SPEN: variants seen among roughly 807,000 people sequenced by gnomAD.
SPEN encodes the protein spen family transcriptional repressor, also known as msx2-interacting protein.
In SPEN, 18 loss-of-function variants were observed where a neutral mutation model predicts 269.9. The observed-to-expected ratio is 0.07, with a 90% CI of 0.05 to 0.10. SPEN has a LOEUF of 0.10. Among genes scored for constraint, SPEN ranks in the 10% least tolerant of loss-of-function variants. SPEN has a pLI of 1.00. For missense variants in SPEN, 3,822 were observed against 4,631.2 expected, an observed-to-expected ratio of 0.83 and a Z score of 5.07; for synonymous variants, 1,726 against 1,765.7, an observed-to-expected ratio of 0.98 and a Z score of 0.56.
At position 15,932,975 on chromosome 1, in the gene SPEN, A is replaced by G. The variant is rs2071236961; in HGVS notation, c.6735A>G (p.Thr2245=). The G allele has an allele frequency of 6.2e-7, 1 of 1,614,208 alleles. No homozygotes were observed. The highest frequency in any genetic ancestry group is 8.5e-7 in the Non-Finnish European group (1 of 1,180,024). ...APPPYPGESQ[T]DLQPPAGAQA... is the part of the protein sequence containing the mutation. ...CACCTTATCCTGGAGAATCCCAGAC[A>G]GATCTGCAACCCCCCGCAGGTGCAC... Residue 2245 remains threonine, a synonymous_variant, in exon 11 of 15, where the codon ACA becomes ACG. Transcript: ENST00000375759. This position sits in a 1 kb window ranked among gnomAD's most constrained non-coding sequence, Gnocchi z 4.2.
intron 3 of SPEN, among the ~76,000 whole-genome samples, chr1:15,894,536 G>GTTTTTTTTTTTTTT (rs766111268): frequency 6.0e-5 from 6 of 100,382 alleles, no homozygotes; most frequent in African/African-American, 1.3e-4. Flanking sequence ...TATTATGGTT[G>GTTTTTTTTTTTTTT]TTTTTTTTTT....
At position 15,931,997 on chromosome 1, in the gene SPEN, T is replaced by C; in HGVS notation, c.5757T>C (p.Pro1919=). ...TGGGTGACCATGAAAACCGCTCTCC[T>C]GTCAAAGAGCCCGTTGAGCAACCAA... is the stretch of plus-strand genomic sequence containing the variant. The part of the protein sequence containing the change: ...ATMGDHENRS[P]VKEPVEQPRV... Residue 1919 remains proline, a synonymous_variant, in exon 11 of 15, where the codon CCT becomes CCC. Coordinates refer to ENST00000375759, the MANE Select transcript of SPEN (RefSeq NM_015001.3). This position sits in a 1 kb window ranked among gnomAD's most constrained non-coding sequence, Gnocchi z 4.8. The C allele has an allele frequency of 6.2e-7, 1 of 1,614,210 alleles. No individual in the cohort carries two copies. Among genetic ancestry groups the C allele is most frequent in the South Asian group, 1.1e-5 (1 of 91,090 alleles).
intron 3 of SPEN, among the ~76,000 whole-genome samples, chr1:15,880,832 AG>A (rs1403642126): frequency 3.3e-5 from 5 of 152,164 alleles, no homozygotes; most frequent in African/African-American, 1.2e-4. Flanking sequence ...CCTGATAGGT[AG>A]CATTTGGTTA....
chr1:15,901,666 A>C (rs1368907851), intron 3 of SPEN, among the ~76,000 whole-genome samples: 3 of 149,612 alleles, frequency 2.0e-5, no homozygotes, highest in Non-Finnish European at 4.5e-5. Flanking sequence ...AAAAAAAAAA[A>C]AAACACCAAC....
intron 2 of SPEN, chr1:15,874,248 G>A (rs1313928134): frequency 7.3e-7 from 1 of 1,365,332 alleles, no homozygotes; most frequent in Non-Finnish European, 9.8e-7. Context: ...TTTTTTTCTT[G>A]TGGTTCATCT....
chr1:15,862,833 C>T (rs368042868), intron 1 of SPEN, among the ~76,000 whole-genome samples: 1 of 151,808 alleles, frequency 6.6e-6, no homozygotes, highest in Non-Finnish European at 1.5e-5. Flanking sequence ...GCAATCTCAG[C>T]TTACTGTAAG....
chr1:15,863,510 C>A (rs747567382), intron 1 of SPEN, among the ~76,000 whole-genome samples: 1 of 152,066 alleles, frequency 6.6e-6, no homozygotes, highest in Non-Finnish European at 1.5e-5. Flanking sequence ...TTTCTTAAAG[C>A]CTTTCTACTT....
chr1:15,854,517 C>T (rs989112619), intron 1 of SPEN, among the ~76,000 whole-genome samples: 3 of 151,854 alleles, frequency 2.0e-5, no homozygotes, highest in African/African-American at 7.3e-5. Flanking sequence ...GACGGAGTTT[C>T]GCTCCTGTTG....
At chr1:15,856,346 A>G (rs2148702982) in intron 1 of SPEN, among the ~76,000 whole-genome samples, 1 of 152,088 alleles carries the variant, frequency 6.6e-6, no homozygotes, top group Non-Finnish European at 1.5e-5. Context: ...GGAAGTACTA[A>G]ACTTGGGTGG....
At chr1:15,894,548 T>G (rs2070821540) in intron 3 of SPEN, among the ~76,000 whole-genome samples, 1 of 146,716 alleles carries the variant, frequency 6.8e-6, no homozygotes, top group Non-Finnish European at 1.5e-5. Context: ...TTTTTTTTTT[T>G]TTTTTTTTTT....
chr1:15,905,036 A>ACAC (rs1557750434), intron 3 of SPEN, among the ~76,000 whole-genome samples: 2 of 147,418 alleles, frequency 1.4e-5, no homozygotes, highest in Non-Finnish European at 3.0e-5. Flanking sequence ...TTACACACAC[A>ACAC]CACCACCACA....
chr1:15,933,041 G>A lies in SPEN; in HGVS notation c.6801G>A (p.Glu2267=), dbSNP rs1557761041. Residue 2267 remains glutamate (E), a synonymous_variant, in exon 11 of 15, where the codon GAG becomes GAA. Coordinates refer to ENST00000375759, the MANE Select transcript of SPEN (RefSeq NM_015001.3). This position sits in a 1 kb window ranked among gnomAD's most constrained non-coding sequence, Gnocchi z 5.7. ...CTGAGGAAGGAATGGAGACAGATGA[G>A]GCTGTATCTGGCATCCTGGAAACTG... ...QPSEEGMETD[E]AVSGILETEA... The A allele has an allele frequency of 1.9e-6, 3 of 1,614,092 alleles. No homozygotes were observed. In the South Asian group the frequency reaches 3.3e-5, roughly 18 times the overall value.
intron 3 of SPEN, among the ~76,000 whole-genome samples, chr1:15,889,293 G>A (rs1001062689): frequency 2.0e-5 from 3 of 151,638 alleles, no homozygotes; most frequent in African/African-American, 4.9e-5. Flanking sequence ...AGCCTCCTGA[G>A]TAGCTGGGAT....
rs199771973 is a variant in SPEN at position 15,932,453 on chromosome 1, A to G, written c.6213A>G (p.Lys2071=). Reference sequence around the variant, plus strand: ...TAGAGAAAAAACCGGCCCCTGAAAAAAACTCCAAATCAAAGAGAGGAAGAT... The same window carrying G: ...TAGAGAAAAAACCGGCCCCTGAAAAGAACTCCAAATCAAAGAGAGGAAGAT... The part of the protein sequence containing the change: ...EVVEKKPAPE[K]NSKSKRGRSR... The change falls in exon 11 of 15, where the codon AAA becomes AAG. Residue 2071 remains lysine (K), a synonymous_variant. Transcript: ENST00000375759. The surrounding 1 kb of genome is among the most constrained non-coding windows in gnomAD (Gnocchi z 4.2). 70 of 1,612,874 alleles carry G rather than the reference A, an allele frequency of 4.3e-5. No homozygotes were observed. The highest frequency in any genetic ancestry group is 5.3e-5 in the Non-Finnish European group (63 of 1,179,678).
chr1:15,939,016 C>A lies in SPEN; in HGVS notation c.10863+140C>A. 8.6e-7 allele frequency: 1 copy of A among 1,164,376 alleles called. No homozygotes were observed. The highest frequency in any genetic ancestry group is 1.2e-6 in the Non-Finnish European group (1 of 831,426). 72.1% of individuals were successfully genotyped at this position (1,164,376 alleles called of 1,614,324 possible). A position where few individuals can be genotyped will look rare whatever the true frequency, so the allele number is the denominator to read the frequency against. On this transcript the variant is annotated intron_variant, in intron 14 of 14. Transcript: ENST00000375759. The surrounding 1 kb of genome is among the most constrained non-coding windows in gnomAD (Gnocchi z 4.1). Reference sequence around the variant, plus strand: ...GCATTTTGGACAGAAGTCAGTAGAGCACATGGGGCGGGGCGCCATCACCCA... The same window carrying A: ...GCATTTTGGACAGAAGTCAGTAGAGAACATGGGGCGGGGCGCCATCACCCA...
chr1:15,909,430 C>A lies in SPEN; in HGVS notation c.991C>A (p.Pro331Thr), dbSNP rs2070991484. The A allele has an allele frequency of 1.9e-6, 3 of 1,614,020 alleles. No individual in the cohort carries two copies. Among genetic ancestry groups the A allele is most frequent in the Non-Finnish European group, 2.5e-6 (3 of 1,180,030 alleles). The change falls in exon 4 of 15, where the codon CCC becomes ACC. Residue 331 changes from proline (P) to threonine (T), a missense_variant. Coordinates refer to ENST00000375759, the MANE Select transcript of SPEN (RefSeq NM_015001.3). The stretch of plus-strand genomic sequence containing the variant: ...GCTTTCATCTCTGGAAAAAGATGAG[C>A]CCCGTAAAAGTTTTGGCATCAAGGT... ...QLLSSLEKDE[P>T]RKSFGIKVQN... is the part of the protein sequence containing the mutation.
In SPEN at chr1:15,935,172, C is replaced by T; in HGVS notation, c.8932C>T (p.Leu2978=). Reference sequence around the variant, plus strand: ...GACCAAGGTCCTTCAGCCGGCCAACCTGGGGTCCACGCTCACGCCCCACCA... The same window carrying T: ...GACCAAGGTCCTTCAGCCGGCCAACTTGGGGTCCACGCTCACGCCCCACCA... The part of the protein sequence containing the change: ...IETKVLQPAN[L]GSTLTPHHPP... Residue 2978 remains leucine, a synonymous_variant, in exon 11 of 15, where the codon CTG becomes TTG. Transcript: ENST00000375759. This position sits in a 1 kb window ranked among gnomAD's most constrained non-coding sequence, Gnocchi z 7.7. 1 of 1,614,062 alleles carries T rather than the reference C, an allele frequency of 6.2e-7. No individual in the cohort carries two copies. Among genetic ancestry groups the T allele is most frequent in the Non-Finnish European group, 8.5e-7 (1 of 1,179,966 alleles).
In SPEN at chr1:15,939,472, C is replaced by T. The variant is rs143746512; in HGVS notation, c.*45C>T. 26 of 1,493,406 alleles carry T rather than the reference C, an allele frequency of 1.7e-5. No individual in the cohort carries two copies. The East Asian group carries it at 6.5e-4, about 37-fold the overall frequency. The allele number at this position is 1,493,406 out of a possible 1,614,324, so 92.5% of individuals were successfully genotyped here. A position where few individuals can be genotyped will look rare whatever the true frequency, so the allele number is the denominator to read the frequency against. On this transcript the variant is annotated 3_prime_UTR_variant, in exon 15 of 15. Transcript: ENST00000375759. This position sits in a 1 kb window ranked among gnomAD's most constrained non-coding sequence, Gnocchi z 4.1. ...CTCAGTGAATCTTCCCAGGGCTCTG[C>T]AGTAAAAACAAAGGACAACCCAGCC...
chr1:15,863,778 C>T (rs575470161), intron 1 of SPEN, among the ~76,000 whole-genome samples: 1 of 152,156 alleles, frequency 6.6e-6, no homozygotes, highest in South Asian at 2.1e-4. Context: ...GAGGTTGAGG[C>T]TGCAGTGAGC....
Sources: gnomAD v4.1 joint callset for allele counts (sites outside exome capture counted in the v4.1 genomes callset) on GRCh38, gnomAD v4.1.1 for gene constraint, Gnocchi (gnomAD v3.1) non-coding constraint, MANE v1.5 for transcripts, NCBI Gene and HGNC (gene_info 2026-07-23, HGNC 2026-07-21) for gene names.